Variants in MADCAM1 observed in about 807,000 individuals in gnomAD.
MADCAM1 encodes mucosal addressin cell adhesion molecule 1.
In MADCAM1, 19 loss-of-function variants were observed where a neutral mutation model predicts 26.1. That is an observed-to-expected ratio of 0.73 (90% CI 0.51 to 1.07). The LOEUF is 1.07. MADCAM1 is among the 50% of genes least tolerant of loss of function. The probability of loss-of-function intolerance (pLI) is 0.00; values close to 1 mark genes in which losing one functional copy is unlikely to be tolerated. For synonymous variants in MADCAM1, 268 were observed against 260.9 expected, an observed-to-expected ratio of 1.03 and a Z score of -0.26; for missense variants, 514 against 542.1, an observed-to-expected ratio of 0.95 and a Z score of 0.51.
At chr19:501,623 G>C (rs902664286) in intron 3 of MADCAM1, 46 bp from the exon 4 acceptor site, 1 of 1,540,314 alleles carries the variant, frequency 6.5e-7, no homozygotes, top group Admixed American at 2.0e-5. Flanking sequence ...GGAGAGGCAA[G>C]CCTGGGGCAG....
intron 2 of MADCAM1, 61 bp from the exon 3 acceptor site, chr19:498,435 C>T (rs1978296758): frequency 8.5e-6 from 12 of 1,410,152 alleles, no homozygotes; most frequent in Non-Finnish European, 1.1e-5. Context: ...GGGCTCCGGC[C>T]CCTCCATCAC....
intron 4 of MADCAM1, among the ~76,000 whole-genome samples, chr19:504,357 G>A (rs984689757): frequency 2.0e-5 from 3 of 149,550 alleles, no homozygotes; most frequent in African/African-American, 7.4e-5. Context: ...TCCACCTCCC[G>A]GGTTCAAGTG....
chr19:503,377 C>T (rs2392799), intron 4 of MADCAM1, among the ~76,000 whole-genome samples: 41,307 of 149,708 alleles, frequency 0.28, 5,917 homozygotes, highest in East Asian at 0.46. Flanking sequence ...GTCAGGAGAT[C>T]GAGACCATCC....
Position 498,032 on chromosome 19 carries a change from C to A in MADCAM1, c.252C>A (p.Ala84=). The A allele has an allele frequency of 6.7e-7, 1 of 1,496,640 alleles. No individual in the cohort carries two copies. Among genetic ancestry groups the A allele is most frequent in the Non-Finnish European group, 8.9e-7 (1 of 1,129,142 alleles). The allele number at this position is 1,496,640 out of a possible 1,614,324, so 92.7% of individuals were successfully genotyped here. A position where few individuals can be genotyped will look rare whatever the true frequency, so the allele number is the denominator to read the frequency against. The change falls in exon 2 of 5, where the codon GCC becomes GCA. Residue 84 remains alanine, a synonymous_variant. Transcript: ENST00000215637. ...GCAGCGTCCTCACCGTGCGCAACGC[C>A]TCGCTGTCGGCGGCCGGGACCCGCG... The part of the protein sequence containing the change: ...TGRSVLTVRN[A]SLSAAGTRVC...
chr19:502,970 G>C (rs1387904683), intron 4 of MADCAM1, among the ~76,000 whole-genome samples: 1 of 152,190 alleles, frequency 6.6e-6, no homozygotes. Context: ...AATAAGGAAG[G>C]GGCATAAGCT....
intron 3 of MADCAM1, chr19:500,111 G>A (rs1164355107): frequency 2.2e-6 from 1 of 456,236 alleles, no homozygotes; most frequent in Admixed American, 2.3e-5. Context: ...CAGAAGGCCA[G>A]GGCAGAAAGC....
At chr19:499,699 G>A (rs1225176765) in intron 3 of MADCAM1, 2 of 409,262 alleles carry the variant, frequency 4.9e-6, no homozygotes, top group East Asian at 7.2e-5. Context: ...CTTGTGTCGC[G>A]CACGGCTGTG....
At chr19:501,568 G>A (rs1978328935) in intron 3 of MADCAM1, 101 bp from the exon 4 acceptor site, 4 of 1,232,450 alleles carry the variant, frequency 3.2e-6, no homozygotes, top group Admixed American at 5.7e-5. Flanking sequence ...GGGGCTTGGA[G>A]GGGTTCTGGT....
At position 504,974 on chromosome 19, in the gene MADCAM1, C is replaced by T. The variant is rs529852754; in HGVS notation, c.*9C>T. On this transcript the variant is annotated 3_prime_UTR_variant, in exon 5 of 5. Coordinates refer to ENST00000215637, the MANE Select transcript of MADCAM1 (RefSeq NM_130760.3). ...GGATCAGCCCCTCCTGAGTGGCCAG[C>T]CTTTCCCCCTGTGAAAGCAAAATAG... is the stretch of plus-strand genomic sequence containing the variant. 126 of 1,572,706 alleles carry T rather than the reference C, an allele frequency of 8.0e-5. 2 individuals are homozygous for T. The South Asian group carries it at 1.4e-3, about 17-fold the overall frequency.
At position 504,788 on chromosome 19, in the gene MADCAM1, C is replaced by A. The variant is rs759037630; in HGVS notation, c.972C>A (p.Thr324=). The A allele has an allele frequency of 6.2e-7, 1 of 1,611,598 alleles. No individual in the cohort carries two copies. The highest frequency in any genetic ancestry group is 1.3e-5 in the African/African-American group (1 of 74,904). ...ACCAGCTGCCCGCGGCTCTGTGGACCAGCAGTGCGGTGCTGGGACTGCTGC... is the reference window on the plus strand; with the variant it reads ...ACCAGCTGCCCGCGGCTCTGTGGACAAGCAGTGCGGTGCTGGGACTGCTGC... ...AGDQLPAALW[T]SSAVLGLLLL... The change falls in exon 5 of 5, where the codon ACC becomes ACA. Residue 324 remains threonine, a synonymous_variant. Transcript: ENST00000215637.
At position 504,773 on chromosome 19, in the gene MADCAM1, C is replaced by T. The variant is rs748049978; in HGVS notation, c.957C>T (p.Pro319=). The change falls in exon 5 of 5, where the codon CCC becomes CCT. Residue 319 remains proline (P), a synonymous_variant. Transcript: ENST00000215637. ...GSSKPAGDQL[P]AALWTSSAVL... is the part of the protein sequence containing the mutation. ...CCAAACCTGCGGGTGACCAGCTGCCCGCGGCTCTGTGGACCAGCAGTGCGG... is the reference window on the plus strand; with the variant it reads ...CCAAACCTGCGGGTGACCAGCTGCCTGCGGCTCTGTGGACCAGCAGTGCGG... 1.6e-5 allele frequency: 25 copies of T among 1,608,210 alleles called. No homozygotes were observed. The highest frequency in any genetic ancestry group is 5.3e-5 in the African/African-American group (4 of 74,972).
chr19:499,359 A>C (rs746057522), intron 3 of MADCAM1: 9 of 456,518 alleles, frequency 2.0e-5, no homozygotes, highest in African/African-American at 4.0e-5. Context: ...TCCCGTTTAA[A>C]GGGTCAACCC....
intron 2 of MADCAM1, 71 bp downstream of exon 2, chr19:498,188 C>A: frequency 2.2e-5 from 28 of 1,285,068 alleles, no homozygotes; most frequent in Non-Finnish European, 2.8e-5. Context: ...CCACCTCTTC[C>A]TGGAAGCCTC....
chr19:498,516 G>A lies in MADCAM1; in HGVS notation c.358G>A (p.Val120Ile). 2 of 1,463,856 alleles carry A rather than the reference G, an allele frequency of 1.4e-6. No homozygotes were observed. Among genetic ancestry groups the A allele is most frequent in the Non-Finnish European group, 1.8e-6 (2 of 1,112,432 alleles). The allele number at this position is 1,463,856 out of a possible 1,614,324, so 90.7% of individuals were successfully genotyped here. Residue 120 changes from valine to isoleucine, a missense_variant, in exon 3 of 5, where the codon GTC becomes ATC. By Grantham distance (29) the Val-to-Ile change is conservative (BLOSUM62 3). This residue lies in a region of MADCAM1 where 317 missense variants were observed against 313.6 expected (regional missense o/e 1.01). Coordinates refer to ENST00000215637, the MANE Select transcript of MADCAM1 (RefSeq NM_130760.3). ...CACAGCCTTCCCGGACCAGCTGACC[G>A]TCTCCCCAGCAGCCCTGGTGCCTGG... is the stretch of plus-strand genomic sequence containing the variant. ...LVYAFPDQLT[V>I]SPAALVPGDP...
chr19:501,550 C>A (rs1001469734), intron 3 of MADCAM1, 119 bp from the exon 4 acceptor site: 1 of 785,298 alleles, frequency 1.3e-6, no homozygotes, highest in African/African-American at 1.8e-5. Context: ...CCAGAGTGGT[C>A]CAGGGAAGGG....
intron 1 of MADCAM1, 72 bp from the exon 2 acceptor site, chr19:497,761 C>T (rs1600383916): frequency 9.2e-7 from 1 of 1,091,840 alleles, no homozygotes; most frequent in Non-Finnish European, 1.1e-6. Flanking sequence ...GGGGGTGGAG[C>T]GGGACGCAGG....
rs60370701 is a variant in MADCAM1 at position 501,485 on chromosome 19, CAAAAAAAAAAAAAAAAA to C, written c.668-168_668-152del. On this transcript the variant is annotated intron_variant, in intron 3 of 4. Transcript: ENST00000215637. The stretch of plus-strand genomic sequence containing the variant: ...GGGTAACAAGAGCAAAACTCTGTCT[CAAAAAAAAAAAAAAAAA>C]AAAAAAAAAAAAAAAGAATAAATGG... 43 of 83,518 alleles carry C rather than the reference CAAAAAAAAAAAAAAAAA, an allele frequency of 5.1e-4. 1 individual carries two copies. The Admixed American group carries it at 5.4e-3, about 11-fold the overall frequency. The allele number at this position is 83,518 out of a possible 1,614,324, so 5.2% of individuals were successfully genotyped here.
At chr19:499,565 C>T (rs759103400) in intron 3 of MADCAM1, among the ~76,000 whole-genome samples, 3 of 152,262 alleles carry the variant, frequency 2.0e-5, no homozygotes, top group Admixed American at 6.5e-5. Context: ...AACACGCACA[C>T]GCGTGTGAGC....
intron 3 of MADCAM1, chr19:500,285 G>A (rs1302823094): frequency 4.9e-6 from 2 of 412,144 alleles, no homozygotes; most frequent in African/African-American, 4.1e-5. Context: ...TAAGGAGGCT[G>A]CTGGGGTGAT....
Sources: gnomAD v4.1 joint callset for allele counts (sites outside exome capture counted in the v4.1 genomes callset) on GRCh38, gnomAD v4.1.1 for gene constraint, gnomAD v4.1.1 regional missense constraint, MANE v1.5 for transcripts, NCBI Gene and HGNC (gene_info 2026-07-23, HGNC 2026-07-21) for gene names.